Variants in PID1 observed in about 807,000 individuals in gnomAD.
PID1 encodes the protein PTB-containing, cubilin and LRP1-interacting protein.
A neutral mutation model predicts 19.1 loss-of-function variants in PID1; 10 were observed. That is an observed-to-expected ratio of 0.52 (90% CI 0.32 to 0.89). The LOEUF (loss-of-function observed/expected upper bound fraction) is 0.89, where lower values mean the gene tolerates loss of function less well. Among genes scored for constraint, PID1 ranks in the 40% least tolerant of loss-of-function variants. The pLI is 0.03. For synonymous variants in PID1, 130 were observed against 116.0 expected, an observed-to-expected ratio of 1.12 and a Z score of -0.78; for missense variants, 248 against 285.3, an observed-to-expected ratio of 0.87 and a Z score of 0.94.
At chr2:229,213,065 C>T (rs1691772736) in intron 1 of PID1, among the ~76,000 whole-genome samples, 1 of 152,028 alleles carries the variant, frequency 6.6e-6, no homozygotes, top group Non-Finnish European at 1.5e-5. Flanking sequence ...CCAAGGAGAC[C>T]AGAGGTAGCG....
chr2:229,090,664 C>T (rs926467488), intron 2 of PID1, among the ~76,000 whole-genome samples: 1 of 152,154 alleles, frequency 6.6e-6, no homozygotes, highest in Non-Finnish European at 1.5e-5. Context: ...TGTAACAAAT[C>T]CTAGTTGATT....
At chr2:229,160,437 G>A (rs1278379887) in intron 1 of PID1, among the ~76,000 whole-genome samples, 2 of 152,118 alleles carry the variant, frequency 1.3e-5, no homozygotes, top group African/African-American at 4.8e-5. Context: ...AATATATTGT[G>A]CAACCTCAGC....
chr2:229,039,240 T>C (rs73097601), intron 2 of PID1, among the ~76,000 whole-genome samples: 20,048 of 152,178 alleles, frequency 0.13, 1,456 homozygotes, highest in Non-Finnish European at 0.16. Flanking sequence ...TATTTGAATA[T>C]CCAATTCTTT....
At position 229,270,771 on chromosome 2, in the gene PID1, G is replaced by C. The variant is rs551914307; in HGVS notation, c.30+243C>G. Among the ~76,000 whole-genome samples, 67 of 151,790 alleles carry C rather than the reference G, an allele frequency of 4.4e-4. 3 individuals carry two copies. In the South Asian group the frequency reaches 0.013, roughly 30 times the overall value. The stretch of plus-strand genomic sequence containing the variant: ...CAACCTTATATGTACCAACCAACAC[G>C]CACACAAGCACCTCCAAGCCAAAAG... On this transcript the variant is annotated intron_variant, in intron 1 of 2. Coordinates refer to ENST00000392055, the MANE Select transcript of PID1 (RefSeq NM_001100818.2).
chr2:229,187,043 G>A (rs1308544641), intron 1 of PID1, among the ~76,000 whole-genome samples: 3 of 152,296 alleles, frequency 2.0e-5, no homozygotes, highest in Non-Finnish European at 4.4e-5. Context: ...AACATAGCAA[G>A]CGTCACCTTT....
intron 2 of PID1, among the ~76,000 whole-genome samples, chr2:229,094,581 T>C (rs568409263): frequency 5.3e-5 from 8 of 152,036 alleles, no homozygotes; most frequent in African/African-American, 1.9e-4. Context: ...AGTACAGGTA[T>C]AAAAGTGACA....
chr2:229,162,887 A>G (rs1307153519), intron 1 of PID1, among the ~76,000 whole-genome samples: 2 of 152,196 alleles, frequency 1.3e-5, no homozygotes, highest in Non-Finnish European at 2.9e-5. Flanking sequence ...TTTTAATGAA[A>G]ATTCTTAGAT....
At chr2:229,026,640 T>G (rs1303553214) in intron 2 of PID1, among the ~76,000 whole-genome samples, 6 of 152,262 alleles carry the variant, frequency 3.9e-5, no homozygotes, top group African/African-American at 1.4e-4. Context: ...ACTGTTCTCT[T>G]GAAATTATGG....
At chr2:229,043,920 C>T (rs1017842719) in intron 2 of PID1, among the ~76,000 whole-genome samples, 1 of 152,158 alleles carries the variant, frequency 6.6e-6, no homozygotes, top group Non-Finnish European at 1.5e-5. Context: ...AGAGCAAGGA[C>T]ACATCCAGCT....
chr2:229,156,267 G>A (rs1207739141), intron 1 of PID1, among the ~76,000 whole-genome samples: 3 of 152,198 alleles, frequency 2.0e-5, no homozygotes, highest in Non-Finnish European at 4.4e-5. Flanking sequence ...AGATGAAATT[G>A]TGGCAATGGA....
chr2:229,245,115 A>T (rs1377936444), intron 1 of PID1: 2 of 152,042 alleles, frequency 1.3e-5, no homozygotes, highest in Admixed American at 1.3e-4. Flanking sequence ...TAATTAAGGC[A>T]TTTGCATCTT....
chr2:229,033,544 A>G (rs1190387295), intron 2 of PID1, among the ~76,000 whole-genome samples: 2 of 148,410 alleles, frequency 1.3e-5, no homozygotes, highest in Non-Finnish European at 3.0e-5. Context: ...GTGGGGGGCT[A>G]GGGGAGGGAG....
At chr2:229,224,625 T>C (rs1379249639) in intron 1 of PID1, among the ~76,000 whole-genome samples, 1 of 152,160 alleles carries the variant, frequency 6.6e-6, no homozygotes, top group Non-Finnish European at 1.5e-5. Context: ...GGACCGTCAT[T>C]GTTGGTAGGC....
chr2:229,048,309 C>T (rs573044952), intron 2 of PID1, among the ~76,000 whole-genome samples: 1 of 152,250 alleles, frequency 6.6e-6, no homozygotes, highest in South Asian at 2.1e-4. Context: ...TTGTTCCCAT[C>T]CACATTGTGC....
intron 1 of PID1, among the ~76,000 whole-genome samples, chr2:229,195,234 C>T (rs1691349981): frequency 6.6e-6 from 1 of 151,740 alleles, no homozygotes; most frequent in Admixed American, 6.6e-5. Context: ...TACCAGTCCC[C>T]TCTACCCTTC....
In PID1 at chr2:229,194,724, G is replaced by A. The variant is rs1208235946; in HGVS notation, c.31-38760C>T. The stretch of plus-strand genomic sequence containing the variant: ...GCAATACATATCGGTTAATGTATGT[G>A]AGTGAGTGTGTGTACACACAGGATA... On this transcript the variant is annotated intron_variant, in intron 1 of 2. Transcript: ENST00000392055. Among the ~76,000 whole-genome samples, 4 of 151,982 alleles carry A rather than the reference G, an allele frequency of 2.6e-5. No individual in the cohort carries two copies. In the East Asian group the frequency reaches 7.7e-4, roughly 29 times the overall value.
chr2:229,198,339 C>T (rs374613267), intron 1 of PID1, among the ~76,000 whole-genome samples: 14 of 152,120 alleles, frequency 9.2e-5, no homozygotes, highest in African/African-American at 3.4e-4. Flanking sequence ...GCAGTTGATA[C>T]GATAGTCCAC....
intron 1 of PID1, among the ~76,000 whole-genome samples, chr2:229,214,529 T>C (rs1304147575): frequency 6.6e-6 from 1 of 152,126 alleles, no homozygotes; most frequent in African/African-American, 2.4e-5. Context: ...TAGAATCAGA[T>C]ATGAGGGAAG....
chr2:229,230,292 A>C (rs1692176300), intron 1 of PID1, among the ~76,000 whole-genome samples: 1 of 151,580 alleles, frequency 6.6e-6, no homozygotes, highest in South Asian at 2.1e-4. Flanking sequence ...GAAAGAAAGA[A>C]ACGAGAGAGA....
Sources: gnomAD v4.1 joint callset for allele counts (sites outside exome capture counted in the v4.1 genomes callset) on GRCh38, gnomAD v4.1.1 for gene constraint, MANE v1.5 for transcripts, NCBI Gene and HGNC (gene_info 2026-07-23, HGNC 2026-07-21) for gene names.